Variants in FAM161A observed in about 807,000 individuals in gnomAD.
FAM161A encodes FAM161 centrosomal protein A, also known as protein FAM161A.
A neutral mutation model predicts 70.9 loss-of-function variants in FAM161A; 57 were observed. The ratio of observed to expected loss-of-function variants is 0.80; its 90% confidence interval spans 0.65 to 1.00. FAM161A has a LOEUF of 1.00. Ranked by LOEUF, FAM161A falls within the 50% of genes least tolerant of loss-of-function variation. The pLI, the probability that FAM161A is intolerant of heterozygous loss-of-function variation, is 0.00. For synonymous variants in FAM161A, 299 were observed against 295.7 expected, an observed-to-expected ratio of 1.01 and a Z score of -0.12; for missense variants, 880 against 836.0, an observed-to-expected ratio of 1.05 and a Z score of -0.65.
At chr2:61,844,604 C>A (rs897478051) in intron 1 of FAM161A, among the ~76,000 whole-genome samples, 1 of 152,056 alleles carries the variant, frequency 6.6e-6, no homozygotes, top group Non-Finnish European at 1.5e-5. Context: ...GAGGCTGAAG[C>A]GGAAGAGTCA....
At chr2:61,827,478 T>C (rs987287051) in intron 5 of FAM161A, among the ~76,000 whole-genome samples, 2 of 151,750 alleles carry the variant, frequency 1.3e-5, no homozygotes, top group African/African-American at 4.8e-5. Context: ...GGCGTGGTGG[T>C]GGCCGCCTGT....
chr2:61,808,445 T>C, the FAM161A span, among the ~76,000 whole-genome samples: 1 of 152,062 alleles, frequency 6.6e-6, no homozygotes, highest in Non-Finnish European at 1.5e-5. Context: ...GCTAATTCTT[T>C]GTATTTTTAG....
rs1672352347 is a variant in FAM161A, at chr2:61,826,080, A to T, written c.*375T>A. 1 of 463,758 alleles carries T rather than the reference A, an allele frequency of 2.2e-6. No homozygotes were observed. The highest frequency in any genetic ancestry group is 4.3e-6 in the Non-Finnish European group (1 of 233,666). 28.7% of individuals were successfully genotyped at this position (463,758 alleles called of 1,614,324 possible). On this transcript the variant is annotated 3_prime_UTR_variant, in exon 7 of 7. Coordinates refer to ENST00000404929, the MANE Select transcript of FAM161A (RefSeq NM_001201543.2). ...TTCACACTTTCCAAAATTTTTAAAA[A>T]GTAAACCACCAAAGACCAATACTTC... is the stretch of plus-strand genomic sequence containing the variant.
In FAM161A at chr2:61,840,467, G is replaced by A. The variant is rs769549135; in HGVS notation, c.537C>T (p.Pro179=). 1 of 1,613,820 alleles carries A rather than the reference G, an allele frequency of 6.2e-7. No individual in the cohort carries two copies. The highest frequency in any genetic ancestry group is 8.5e-7 in the Non-Finnish European group (1 of 1,179,952). Residue 179 remains proline (P), a synonymous_variant, in exon 3 of 7, where the codon CCC becomes CCT. Coordinates refer to ENST00000404929, the MANE Select transcript of FAM161A (RefSeq NM_001201543.2). The stretch of plus-strand genomic sequence containing the variant: ...TCCTAGGATACTCTTTTTCTAGGTT[G>A]GGTAACTCCTCTTCAGAGGAGGACA... ...LYVSSSEEEL[P]NLEKEYPRKN...
At chr2:61,830,683 CAAAA>C (rs10633119) in intron 5 of FAM161A, among the ~76,000 whole-genome samples, 4 of 82,120 alleles carry the variant, frequency 4.9e-5, no homozygotes, top group African/African-American at 1.0e-4. Context: ...GACCCTGTCT[CAAAA>C]AAAAAAAAAA....
rs1572878827 is a variant in FAM161A, at chr2:61,839,834, C to T, written c.1170G>A (p.Glu390=). Residue 390 remains glutamate (E), a synonymous_variant, in exon 3 of 7, where the codon GAG becomes GAA. Coordinates refer to ENST00000404929, the MANE Select transcript of FAM161A (RefSeq NM_001201543.2). ...RNLRTQLRAQ[E]HLQNSSPLPC... ...GCAGAGGAGATGAGTTCTGTAAATG[C>T]TCCTGGGCTCTCAGCTGTGTCCTAA... is the stretch of plus-strand genomic sequence containing the variant. 8 of 1,614,228 alleles carry T rather than the reference C, an allele frequency of 5.0e-6. No individual in the cohort carries two copies. Among genetic ancestry groups the T allele is most frequent in the East Asian group, 2.2e-5 (1 of 44,884 alleles).
the FAM161A span, among the ~76,000 whole-genome samples, chr2:61,819,336 T>C: frequency 4.6e-5 from 7 of 152,196 alleles, no homozygotes; most frequent in African/African-American, 7.2e-5. Context: ...TGGTGGCGCA[T>C]GCCTGTAGTC....
At chr2:61,852,543 A>G (rs1008598757) in intron 1 of FAM161A, among the ~76,000 whole-genome samples, 1 of 152,250 alleles carries the variant, frequency 6.6e-6, no homozygotes, top group Admixed American at 6.5e-5. Context: ...CCACCTAGGA[A>G]GTGGCAGGGA....
At chr2:61,806,257 AG>A in the FAM161A span, among the ~76,000 whole-genome samples, 3 of 152,184 alleles carry the variant, frequency 2.0e-5, no homozygotes, top group African/African-American at 7.2e-5. Context: ...GCAATCTGGA[AG>A]GATGGTTAGA....
At chr2:61,814,677 T>C in the FAM161A span, among the ~76,000 whole-genome samples, 31,704 of 152,166 alleles carry the variant, frequency 0.21, 3,518 homozygotes, top group Middle Eastern at 0.29. Context: ...ATTGCACCAC[T>C]GCACTCCAGC....
the FAM161A span, among the ~76,000 whole-genome samples, chr2:61,804,768 G>GAAAGAAAGAAAGA: frequency 8.4e-6 from 1 of 119,038 alleles, no homozygotes; most frequent in East Asian, 2.5e-4. Flanking sequence ...GAAAAAGAAA[G>GAAAGAAAGAAAGA]AGAAAGAAAG....
At chr2:61,809,592 C>T in the FAM161A span, among the ~76,000 whole-genome samples, 23 of 152,246 alleles carry the variant, frequency 1.5e-4, no homozygotes, top group Middle Eastern at 3.4e-3. Context: ...CAAGGAGATC[C>T]GTAGGGAATT....
At position 61,825,064 on chromosome 2, in the gene FAM161A, A is replaced by G. The variant is rs1299076356; in HGVS notation, c.*1391T>C. On this transcript the variant is annotated 3_prime_UTR_variant, in exon 7 of 7. Transcript: ENST00000404929. ...TGGAGAAAAATGACCTTATTTTTAA[A>G]TTTAAAGCATAAATTGCCAGTTTGG... The G allele has an allele frequency of 2.2e-6, 1 of 453,988 alleles. No individual in the cohort carries two copies. Among genetic ancestry groups the G allele is most frequent in the Admixed American group, 2.3e-5 (1 of 42,558 alleles). 28.1% of individuals were successfully genotyped at this position (453,988 alleles called of 1,614,324 possible).
Position 61,836,106 on chromosome 2 carries a change from C to T in FAM161A, c.1755G>A (p.Lys585=), listed in dbSNP as rs755226639. 1.6e-5 allele frequency: 26 copies of T among 1,602,486 alleles called. No individual in the cohort carries two copies. The highest frequency in any genetic ancestry group is 1.6e-4 in the African/African-American group (12 of 74,332). The stretch of plus-strand genomic sequence containing the variant: ...ATTCTCTCATCCTTTCCTTTTCGCT[C>T]TTTCTAAAATTAAAGAAAAGCAATG... ...ISKSRVKCLR[K]SEKERMREYQ... Residue 585 remains lysine, a synonymous_variant, in exon 5 of 7, where the codon AAG becomes AAA. Coordinates refer to ENST00000404929, the MANE Select transcript of FAM161A (RefSeq NM_001201543.2).
At chr2:61,838,776 G>T in intron 3 of FAM161A, 71 bp from the exon 4 acceptor site, 1 of 1,151,988 alleles carries the variant, frequency 8.7e-7, no homozygotes, top group Non-Finnish European at 1.1e-6. Context: ...GATTTAACAT[G>T]GGATAATTTG....
intron 1 of FAM161A, among the ~76,000 whole-genome samples, chr2:61,842,992 AAGCAGT>A (rs961416664): frequency 6.6e-6 from 1 of 152,168 alleles, no homozygotes; most frequent in Non-Finnish European, 1.5e-5. Flanking sequence ...GTGGGCACAA[AAGCAGT>A]AGCTCCCATG....
chr2:61,805,423 G>A, the FAM161A span, among the ~76,000 whole-genome samples: 6 of 152,190 alleles, frequency 3.9e-5, no homozygotes, highest in Non-Finnish European at 7.3e-5. Context: ...GGCTGAGGAA[G>A]GAGAATTGCT....
downstream of FAM161A, among the ~76,000 whole-genome samples, chr2:61,823,193 C>T (rs559135078): frequency 2.0e-5 from 3 of 150,962 alleles, no homozygotes; most frequent in South Asian, 4.2e-4. Flanking sequence ...ATTAGCCAGG[C>T]GTGGTGGCAG....
intron 5 of FAM161A, among the ~76,000 whole-genome samples, chr2:61,827,642 G>T (rs1672424631): frequency 6.9e-6 from 1 of 144,898 alleles, no homozygotes; most frequent in Non-Finnish European, 1.5e-5. Flanking sequence ...TGGATTAAAA[G>T]TACTGGTGAT....
Sources: gnomAD v4.1 joint callset for allele counts (sites outside exome capture counted in the v4.1 genomes callset) on GRCh38, gnomAD v4.1.1 for gene constraint, MANE v1.5 for transcripts, NCBI Gene and HGNC (gene_info 2026-07-23, HGNC 2026-07-21) for gene names.